The following C6orf89 variants were observed in gnomAD, a reference collection of about 807,000 sequenced individuals.
C6orf89 encodes the protein chromosome 6 open reading frame 89.
In C6orf89, 29 loss-of-function variants were observed where a neutral mutation model predicts 40.7. That is an observed-to-expected ratio of 0.71 (90% CI 0.53 to 0.97). The LOEUF is 0.97. C6orf89 is among the 50% of genes least tolerant of loss of function. The pLI, the probability that C6orf89 is intolerant of heterozygous loss-of-function variation, is 0.00. For synonymous variants in C6orf89, 165 were observed against 152.2 expected (o/e 1.08, Z -0.62); for missense variants, 392 against 429.1 (o/e 0.91, Z 0.76).
At chr6:36,878,851 AGTTT>A (rs1774728925) in intron 1 of C6orf89, among the ~76,000 whole-genome samples, 1 of 152,158 alleles carries the variant, frequency 6.6e-6, no homozygotes, top group Non-Finnish European at 1.5e-5. Flanking sequence ...GCTGTACGTT[AGTTT>A]ACCTTTTTGT....
intron 1 of C6orf89, among the ~76,000 whole-genome samples, chr6:36,872,452 A>C (rs1774531954): frequency 6.6e-6 from 1 of 152,194 alleles, no homozygotes; most frequent in Non-Finnish European, 1.5e-5. Context: ...AGTATAACAA[A>C]GGCAAAACCT....
intron 7 of C6orf89, among the ~76,000 whole-genome samples, chr6:36,916,970 G>C (rs990760389): frequency 6.6e-6 from 1 of 152,126 alleles, no homozygotes; most frequent in Non-Finnish European, 1.5e-5. Flanking sequence ...CCAGCACTTG[G>C]GGAGGCTGAG....
rs772046430 is a variant in C6orf89, at chr6:36,919,695, G to A, written c.943G>A (p.Asp315Asn). The change falls in exon 8 of 9, where the codon GAT (aspartate) becomes AAT (asparagine). Residue 315 changes from aspartate to asparagine, a missense_variant. Asp to Asn is a conservative substitution (Grantham distance 23). Coordinates refer to ENST00000480824, the MANE Select transcript of C6orf89 (RefSeq NM_001286635.2). ...QSVAMPIEPGDIGYVDTTHWK... is the reference protein window; with the variant it reads ...QSVAMPIEPGNIGYVDTTHWK... Reference sequence around the variant, plus strand: ...TGTGGCCATGCCAATAGAGCCAGGGGATATCGGTATGTAGGGCCCCAGGAG... The same window carrying A: ...TGTGGCCATGCCAATAGAGCCAGGGAATATCGGTATGTAGGGCCCCAGGAG... 2 of 1,612,460 alleles carry A rather than the reference G, an allele frequency of 1.2e-6. No individual in the cohort carries two copies. Among genetic ancestry groups the A allele is most frequent in the South Asian group, 1.1e-5 (1 of 90,920 alleles).
intron 2 of C6orf89, among the ~76,000 whole-genome samples, chr6:36,896,558 C>A (rs1057427977): frequency 9.2e-5 from 14 of 152,058 alleles, no homozygotes; most frequent in African/African-American, 3.4e-4. Flanking sequence ...AAATTTTCTC[C>A]CATTCTGTGG....
chr6:36,898,832 T>TA lies in C6orf89; in HGVS notation c.-19-586dup, dbSNP rs372286806. ...GGACTCTGGTTGCTCCAGAAGAAAT[T>TA]AAAAAAAAGAAGAAGAAAGAAAAGT... On this transcript the variant is annotated intron_variant, in intron 2 of 8. Coordinates refer to ENST00000480824, the MANE Select transcript of C6orf89 (RefSeq NM_001286635.2). 5.3e-5 allele frequency among the ~76,000 whole-genome samples: 8 copies of TA among 152,034 alleles called. No individual in the cohort carries two copies. In the South Asian group the frequency reaches 1.5e-3, roughly 28 times the overall value.
At chr6:36,906,288 T>C (rs1761924945) in intron 4 of C6orf89, among the ~76,000 whole-genome samples, 1 of 152,232 alleles carries the variant, frequency 6.6e-6, no homozygotes. Context: ...ACCTTCCTCT[T>C]TTATTTGCAA....
intron 1 of C6orf89, chr6:36,875,018 G>T: frequency 1.9e-6 from 1 of 524,714 alleles, no homozygotes; most frequent in South Asian, 2.3e-5. Flanking sequence ...TCCAAGTGGC[G>T]ATACCGCGCC....
intron 3 of C6orf89, among the ~76,000 whole-genome samples, chr6:36,901,036 G>A (rs984767354): frequency 7.3e-5 from 11 of 151,036 alleles, no homozygotes; most frequent in African/African-American, 2.2e-4. Context: ...AGTAGAGATG[G>A]GAGTTTCACT....
intron 1 of C6orf89, among the ~76,000 whole-genome samples, chr6:36,893,569 C>T (rs1411256594): frequency 1.3e-5 from 2 of 152,126 alleles, no homozygotes; most frequent in African/African-American, 4.8e-5. Flanking sequence ...AATTACCCAA[C>T]AAGAAAAGAA....
chr6:36,906,530 A>T lies in C6orf89; in HGVS notation c.403+4096A>T, dbSNP rs1402129502. Among the ~76,000 whole-genome samples, 3 of 152,260 alleles carry T rather than the reference A, an allele frequency of 2.0e-5. No individual in the cohort carries two copies. The East Asian group carries it at 5.8e-4, about 29-fold the overall frequency. ...TCTTTTGCTGTGTTTTTGATAATAA[A>T]TTTTCACATTTAGAAACAAATTTTT... On this transcript the variant is annotated intron_variant, in intron 4 of 8. Transcript: ENST00000480824.
intron 3 of C6orf89, among the ~76,000 whole-genome samples, chr6:36,901,643 T>C (rs1761719545): frequency 6.8e-6 from 1 of 146,268 alleles, no homozygotes. Flanking sequence ...CCCCTTTGTG[T>C]ATTATTATTA....
intron 4 of C6orf89, among the ~76,000 whole-genome samples, chr6:36,905,606 C>G (rs1177196763): frequency 2.6e-5 from 4 of 152,170 alleles, no homozygotes; most frequent in Non-Finnish European, 5.9e-5. Flanking sequence ...TAGTCTGCAC[C>G]CTTATGGATA....
At chr6:36,876,724 CAAAA>C (rs71540176) in intron 1 of C6orf89, among the ~76,000 whole-genome samples, 4 of 92,204 alleles carry the variant, frequency 4.3e-5, no homozygotes, top group Non-Finnish European at 4.5e-5. Flanking sequence ...AACTCCATCT[CAAAA>C]AAAAAAAAAA....
chr6:36,925,078 AC>A lies in C6orf89; in HGVS notation c.*1641del, dbSNP rs1430087042. 2 of 152,152 alleles carry A rather than the reference AC, an allele frequency of 1.3e-5. No homozygotes were observed. Among genetic ancestry groups the A allele is most frequent in the African/African-American group, 4.8e-5 (2 of 41,410 alleles). 9.4% of individuals were successfully genotyped at this position (152,152 alleles called of 1,614,324 possible). ...ACCTGAGGGAATTTTTTCTTAATCA[AC>A]CCCTTGTGTGGATGAATACAGGAAC... is the stretch of plus-strand genomic sequence containing the variant. On this transcript the variant is annotated 3_prime_UTR_variant, in exon 9 of 9. Coordinates refer to ENST00000480824, the MANE Select transcript of C6orf89 (RefSeq NM_001286635.2).
chr6:36,885,810 G>C (rs1774953138), upstream of C6orf89: 1 of 396,956 alleles, frequency 2.5e-6, no homozygotes, highest in Non-Finnish European at 4.4e-6. Context: ...ACACTCTCCA[G>C]ATATCGCGAG....
intron 3 of C6orf89, among the ~76,000 whole-genome samples, chr6:36,900,754 A>G (rs1466596521): frequency 6.6e-6 from 1 of 151,850 alleles, no homozygotes; most frequent in Non-Finnish European, 1.5e-5. Context: ...GAGTCCAGTC[A>G]ATCACTGTCA....
intron 1 of C6orf89, among the ~76,000 whole-genome samples, chr6:36,887,383 G>A (rs1217548051): frequency 6.6e-6 from 1 of 152,206 alleles, no homozygotes; most frequent in Non-Finnish European, 1.5e-5. Context: ...TTCCACATCT[G>A]AGGTGAATTC....
intron 7 of C6orf89, among the ~76,000 whole-genome samples, chr6:36,916,823 G>A (rs1279389230): frequency 6.6e-6 from 1 of 152,112 alleles, no homozygotes; most frequent in Non-Finnish European, 1.5e-5. Flanking sequence ...TAACACCTGA[G>A]GCAAACTACT....
rs1005411726 is a variant in C6orf89, at chr6:36,927,488, C to T, written c.*4047C>T. 2 of 152,334 alleles carry T rather than the reference C, an allele frequency of 1.3e-5. No individual in the cohort carries two copies. The highest frequency in any genetic ancestry group is 4.8e-5 in the African/African-American group (2 of 41,570). The allele number at this position is 152,334 out of a possible 1,614,324, so 9.4% of individuals were successfully genotyped here. Reference sequence around the variant, plus strand: ...GAGAGAGGCAATTTTGTCTACCTTTCGAGAATCAGTTATAAACAGAAGGGC... The same window carrying T: ...GAGAGAGGCAATTTTGTCTACCTTTTGAGAATCAGTTATAAACAGAAGGGC... On this transcript the variant is annotated 3_prime_UTR_variant, in exon 9 of 9. Transcript: ENST00000480824.
Sources: gnomAD v4.1 joint callset for allele counts (sites outside exome capture counted in the v4.1 genomes callset) on GRCh38, gnomAD v4.1.1 for gene constraint, MANE v1.5 for transcripts, NCBI Gene and HGNC (gene_info 2026-07-23, HGNC 2026-07-21) for gene names.